PIBF1: variants seen among roughly 807,000 people sequenced by gnomAD.
PIBF1 encodes progesterone immunomodulatory binding factor 1.
A neutral mutation model predicts 112.5 loss-of-function variants in PIBF1; 90 were observed. The ratio of observed to expected loss-of-function variants is 0.80; its 90% confidence interval spans 0.67 to 0.95. PIBF1 has a LOEUF of 0.95. PIBF1 is among the 40% of genes least tolerant of loss of function. PIBF1 has a pLI of 0.00. For missense variants in PIBF1, 915 were observed against 852.3 expected, an observed-to-expected ratio of 1.07 and a Z score of -0.92; for synonymous variants, 301 against 288.6, an observed-to-expected ratio of 1.04 and a Z score of -0.44.
At chr13:72,844,728 TACACACACACACACACACACACAC>T (rs1156334355) in intron 9 of PIBF1, among the ~76,000 whole-genome samples, 864 of 53,228 alleles carry the variant, frequency 0.016, 21 homozygotes, top group Middle Eastern at 0.032. Context: ...TAATTTTATT[TACACACACACACACACACACACAC>T]ACACACACAC....
intron 5 of PIBF1, among the ~76,000 whole-genome samples, chr13:72,810,015 T>C (rs999415773): frequency 6.6e-5 from 10 of 152,242 alleles, no homozygotes; most frequent in Non-Finnish European, 1.5e-4. Context: ...ATCTAGATAC[T>C]ATTATAACAC....
chr13:72,947,976 G>T (rs1241123113), intron 14 of PIBF1, among the ~76,000 whole-genome samples: 1 of 151,904 alleles, frequency 6.6e-6, no homozygotes, highest in African/African-American at 2.4e-5. Flanking sequence ...ACTAACACAG[G>T]AACAGAAAAC....
At chr13:72,825,670 T>C (rs975052168) in intron 6 of PIBF1, among the ~76,000 whole-genome samples, 3 of 152,302 alleles carry the variant, frequency 2.0e-5, no homozygotes. Flanking sequence ...TATATTCACA[T>C]ATATTAACAA....
chr13:73,015,470 A>G lies in PIBF1; in HGVS notation c.2224-399A>G, dbSNP rs1594374872. ...AGAAATTCATAAGATCTAAAACACAATAATTTGGATACAGTAATTATTTAA... is the reference window on the plus strand; with the variant it reads ...AGAAATTCATAAGATCTAAAACACAGTAATTTGGATACAGTAATTATTTAA... On this transcript the variant is annotated intron_variant, in intron 17 of 17. Coordinates refer to ENST00000326291, the MANE Select transcript of PIBF1 (RefSeq NM_006346.4). 2.6e-5 allele frequency among the ~76,000 whole-genome samples: 4 copies of G among 152,350 alleles called. 1 individual carries two copies. Among genetic ancestry groups the G allele is most frequent in the Non-Finnish European group, 4.4e-5 (3 of 68,026 alleles).
chr13:72,847,549 T>C (rs1195845690), intron 9 of PIBF1, among the ~76,000 whole-genome samples: 2 of 152,230 alleles, frequency 1.3e-5, no homozygotes, highest in African/African-American at 4.8e-5. Context: ...TTCTTAATAC[T>C]GTTAGAATGG....
intron 12 of PIBF1, 77 bp downstream of exon 12, chr13:72,908,758 C>T (rs1004393098): frequency 7.3e-7 from 1 of 1,370,060 alleles, no homozygotes; most frequent in African/African-American, 1.5e-5. Flanking sequence ...ATTTCTAAAA[C>T]TACTTTGGGA....
chr13:72,824,452 A>G (rs1246698107), intron 6 of PIBF1, among the ~76,000 whole-genome samples: 1 of 152,226 alleles, frequency 6.6e-6, no homozygotes, highest in Non-Finnish European at 1.5e-5. Context: ...ATAGAATAAG[A>G]GTTTATAAGT....
intron 17 of PIBF1, among the ~76,000 whole-genome samples, chr13:73,013,816 G>A (rs2044301239): frequency 1.3e-5 from 2 of 151,380 alleles, no homozygotes; most frequent in African/African-American, 4.9e-5. Context: ...GAGAAGCAAA[G>A]GTAAGGATTA....
chr13:72,916,952 T>C, intron 12 of PIBF1, 124 bp from the exon 13 acceptor site: 1 of 507,472 alleles, frequency 2.0e-6, no homozygotes, highest in Non-Finnish European at 3.5e-6. Flanking sequence ...TAAGATTACA[T>C]ATTAGCCCTT....
intron 14 of PIBF1, among the ~76,000 whole-genome samples, chr13:72,958,392 C>T (rs185419269): frequency 2.3e-4 from 35 of 149,326 alleles, no homozygotes; most frequent in Middle Eastern, 3.5e-3. Flanking sequence ...ACTTCAATGA[C>T]TTCAGTCATC....
chr13:72,836,054 G>A (rs747268484), intron 9 of PIBF1: 8 of 428,108 alleles, frequency 1.9e-5, no homozygotes, highest in South Asian at 3.4e-5. Flanking sequence ...AGCCGAGATC[G>A]CACCACTACA....
At chr13:72,786,826 A>T (rs2034623033) in intron 2 of PIBF1, among the ~76,000 whole-genome samples, 1 of 152,164 alleles carries the variant, frequency 6.6e-6, no homozygotes, top group Admixed American at 6.6e-5. Flanking sequence ...CTCTTTAGGA[A>T]TAAGATGTTT....
At chr13:72,923,781 A>G (rs995946076) in intron 13 of PIBF1, among the ~76,000 whole-genome samples, 6 of 152,174 alleles carry the variant, frequency 3.9e-5, no homozygotes, top group Admixed American at 3.3e-4. Flanking sequence ...CCTGGCCAAC[A>G]TGGCAAAACC....
intron 15 of PIBF1, among the ~76,000 whole-genome samples, chr13:72,968,341 C>A (rs1243980405): frequency 1.3e-5 from 2 of 151,454 alleles, no homozygotes; most frequent in African/African-American, 4.9e-5. Context: ...ACTCTTGTCA[C>A]CCAGACTGGA....
At chr13:72,870,378 G>A (rs892239939) in intron 10 of PIBF1, among the ~76,000 whole-genome samples, 26 of 152,268 alleles carry the variant, frequency 1.7e-4, no homozygotes, top group African/African-American at 5.1e-4. Context: ...AAAGAGAAAC[G>A]TATCTCTCCC....
intron 11 of PIBF1, among the ~76,000 whole-genome samples, chr13:72,894,627 C>T (rs2040193213): frequency 6.6e-6 from 1 of 151,038 alleles, no homozygotes; most frequent in Admixed American, 6.6e-5. Flanking sequence ...ATGGATTGGA[C>T]AATAAATGAT....
intron 5 of PIBF1, among the ~76,000 whole-genome samples, chr13:72,809,731 A>AG (rs747779374): frequency 1.7e-4 from 26 of 151,900 alleles, no homozygotes; most frequent in Admixed American, 1.0e-3. Flanking sequence ...CCGGGAGTAC[A>AG]GGCATGCGCC....
At chr13:72,894,782 T>TA (rs1566416534) in intron 11 of PIBF1, among the ~76,000 whole-genome samples, 40 of 146,498 alleles carry the variant, frequency 2.7e-4, no homozygotes, top group African/African-American at 9.7e-4. Context: ...AGTGTGTGTG[T>TA]GTGTGTGTGT....
In PIBF1 at chr13:72,852,810, C is replaced by T. The variant is rs1162426514; in HGVS notation, c.1224-1247C>T. Among the ~76,000 whole-genome samples the T allele has an allele frequency of 2.0e-5, 3 of 152,096 alleles. No individual in the cohort carries two copies. In the East Asian group the frequency reaches 5.8e-4, roughly 29 times the overall value. Reference sequence around the variant, plus strand: ...AATAATAAAAAATAATAATTTCCAACCCAGTTTTTCATGAGAGATAGTGTG... The same window carrying T: ...AATAATAAAAAATAATAATTTCCAATCCAGTTTTTCATGAGAGATAGTGTG... On this transcript the variant is annotated intron_variant, in intron 9 of 17. Transcript: ENST00000326291.
Sources: allele counts gnomAD v4.1 joint callset (sites outside exome capture counted in the v4.1 genomes callset), GRCh38; gene constraint gnomAD v4.1.1; transcripts MANE v1.5; gene names NCBI Gene and HGNC (gene_info 2026-07-23, HGNC 2026-07-21).